CHODL: variants seen among roughly 807,000 people sequenced by gnomAD.
CHODL encodes the protein chondrolectin.
CHODL carries 29 observed loss-of-function variants against 34.5 expected under a neutral mutation model. The ratio of observed to expected loss-of-function variants is 0.84; its 90% CI spans 0.63 to 1.15. The LOEUF (loss-of-function observed/expected upper bound fraction) is 1.15, where lower values mean the gene tolerates loss of function less well. Among genes scored for constraint, CHODL ranks in the 50% most tolerant of loss-of-function variants. CHODL has a pLI of 0.00. For missense variants in CHODL, 332 were observed against 332.5 expected (o/e 1.00, Z 0.01); for synonymous variants, 125 against 116.1 (o/e 1.08, Z -0.49).
At chr21:18,148,814 A>G (rs2072930130) in intron 2 of CHODL, among the ~76,000 whole-genome samples, 1 of 151,938 alleles carries the variant, frequency 6.6e-6, no homozygotes, top group Non-Finnish European at 1.5e-5. Flanking sequence ...TCCACTTATT[A>G]TCAACATTCA....
upstream of CHODL, among the ~76,000 whole-genome samples, chr21:18,240,867 G>A (rs1291819597): frequency 6.6e-6 from 1 of 152,154 alleles, no homozygotes; most frequent in Admixed American, 6.5e-5. Context: ...AATGATCAGA[G>A]CATGCAACAG....
intron 2 of CHODL, among the ~76,000 whole-genome samples, chr21:18,040,131 A>G (rs1404035577): frequency 6.6e-6 from 1 of 151,862 alleles, no homozygotes. Flanking sequence ...TAAAGGCCCT[A>G]TTTATCTTTG....
At chr21:17,938,634 G>T (rs1002717218) in intron 1 of CHODL, among the ~76,000 whole-genome samples, 2 of 151,640 alleles carry the variant, frequency 1.3e-5, no homozygotes, top group Non-Finnish European at 2.9e-5. Flanking sequence ...GCCCGCCACC[G>T]CGCCTGGCTA....
intron 1 of CHODL, among the ~76,000 whole-genome samples, chr21:17,938,014 T>C (rs1226431115): frequency 6.6e-6 from 1 of 152,234 alleles, no homozygotes; most frequent in East Asian, 1.9e-4. Context: ...CATTTGGTAT[T>C]GGGCAAGTTC....
At chr21:17,952,013 T>C (rs932238408) in intron 1 of CHODL, among the ~76,000 whole-genome samples, 19 of 151,844 alleles carry the variant, frequency 1.3e-4, no homozygotes, top group African/African-American at 4.4e-4. Context: ...GCAGGAGGAC[T>C]GCTTGAGCCT....
chr21:17,979,346 T>C (rs1043207949), intron 1 of CHODL, among the ~76,000 whole-genome samples: 3 of 152,176 alleles, frequency 2.0e-5, no homozygotes, highest in Non-Finnish European at 2.9e-5. Context: ...TTAATAATTG[T>C]TTATCTGTTT....
chr21:18,189,282 AT>A (rs1601124317), intron 2 of CHODL, among the ~76,000 whole-genome samples: 1 of 152,208 alleles, frequency 6.6e-6, no homozygotes, highest in Non-Finnish European at 1.5e-5. Flanking sequence ...GTCAATTTAT[AT>A]TTTAGCTTCT....
intron 1 of CHODL, among the ~76,000 whole-genome samples, chr21:17,949,850 G>T (rs2063441870): frequency 6.6e-6 from 1 of 152,256 alleles, no homozygotes; most frequent in African/African-American, 2.4e-5. Context: ...AAGGGAAAAT[G>T]CTTGGGGGAG....
At chr21:18,060,946 C>A (rs980791186) in intron 2 of CHODL, among the ~76,000 whole-genome samples, 1 of 152,156 alleles carries the variant, frequency 6.6e-6, no homozygotes, top group Non-Finnish European at 1.5e-5. Flanking sequence ...GGGAAGAAAT[C>A]TCCGAAGCTC....
At chr21:17,944,097 C>T (rs2063386590) in intron 1 of CHODL, among the ~76,000 whole-genome samples, 1 of 117,966 alleles carries the variant, frequency 8.5e-6, no homozygotes, top group South Asian at 2.3e-4. Flanking sequence ...GTTATTCTTC[C>T]TAGCTTAAGA....
Position 18,096,979 on chromosome 21 carries a change from G to A in CHODL, c.-45+69008G>A, listed in dbSNP as rs185485310. ...TTTCTCAGACCTGCCGACACTTAGC[G>A]AAAATAGAAAAGAACCCACGTTGAA... On this transcript the variant is annotated intron_variant, in intron 2 of 6. Transcript: ENST00000400127. Among the ~76,000 whole-genome samples, 288 of 152,116 alleles carry A rather than the reference G, an allele frequency of 1.9e-3. 1 individual carries two copies. The highest frequency in any genetic ancestry group is 3.1e-3 in the Non-Finnish European group (212 of 68,000).
At chr21:18,086,878 G>A (rs942825353) in intron 2 of CHODL, among the ~76,000 whole-genome samples, 1 of 152,184 alleles carries the variant, frequency 6.6e-6, no homozygotes, top group Non-Finnish European at 1.5e-5. Context: ...GGTGAGCCAA[G>A]TGTGTGGGTG....
chr21:18,093,442 G>T (rs1424975450), intron 2 of CHODL, among the ~76,000 whole-genome samples: 1 of 152,036 alleles, frequency 6.6e-6, no homozygotes, highest in Non-Finnish European at 1.5e-5. Flanking sequence ...CCACAGAATA[G>T]TATAATACTG....
intron 2 of CHODL, among the ~76,000 whole-genome samples, chr21:18,101,007 T>G (rs963668717): frequency 3.3e-5 from 5 of 152,076 alleles, no homozygotes; most frequent in Non-Finnish European, 7.4e-5. Flanking sequence ...TTTGAAATAG[T>G]GATATGGTTT....
At chr21:17,959,915 A>G (rs568286485) in intron 1 of CHODL, among the ~76,000 whole-genome samples, 2 of 152,312 alleles carry the variant, frequency 1.3e-5, no homozygotes, top group South Asian at 4.1e-4. Flanking sequence ...GCCCTTTAGA[A>G]GATATTAGTT....
intron 2 of CHODL, among the ~76,000 whole-genome samples, chr21:18,195,027 CATTATTTATTTA>C (rs1021980602): frequency 1.5e-5 from 2 of 135,632 alleles, no homozygotes; most frequent in African/African-American, 5.5e-5. Context: ...TAATACAATA[CATTATTTATTTA>C]TTTATTTATT....
chr21:18,021,353 A>T (rs911411792), intron 1 of CHODL, among the ~76,000 whole-genome samples: 1 of 152,168 alleles, frequency 6.6e-6, no homozygotes, highest in Non-Finnish European at 1.5e-5. Context: ...ACCCAGACAT[A>T]TGCATCGTAA....
At chr21:18,136,321 C>A (rs1451531443) in intron 2 of CHODL, among the ~76,000 whole-genome samples, 1 of 151,960 alleles carries the variant, frequency 6.6e-6, no homozygotes, top group Non-Finnish European at 1.5e-5. Flanking sequence ...ATACTATTTC[C>A]TTTGATTTTC....
intron 1 of CHODL, among the ~76,000 whole-genome samples, chr21:18,014,737 A>G (rs568020341): frequency 2.6e-5 from 4 of 152,186 alleles, no homozygotes; most frequent in Non-Finnish European, 4.4e-5. Flanking sequence ...GTCTTCTGCC[A>G]TGAATAAAAG....
Sources: allele counts gnomAD v4.1 joint callset (sites outside exome capture counted in the v4.1 genomes callset), GRCh38; gene constraint gnomAD v4.1.1; transcripts MANE v1.5; gene names NCBI Gene and HGNC (gene_info 2026-07-23, HGNC 2026-07-21).